CEP83: variants seen among roughly 807,000 people sequenced by gnomAD.
CEP83 encodes centrosomal protein of 83 kDa.
In CEP83, 70 loss-of-function variants were observed where a neutral mutation model predicts 101.9. The ratio of observed to expected loss-of-function variants is 0.69; its 90% CI spans 0.57 to 0.84. The LOEUF (loss-of-function observed/expected upper bound fraction) is 0.84, where lower values mean the gene tolerates loss of function less well. Ranked by LOEUF, CEP83 falls within the 40% of genes least tolerant of loss-of-function variation. The probability of loss-of-function intolerance (pLI) is 0.00; values close to 1 mark genes in which losing one functional copy is unlikely to be tolerated. For missense variants in CEP83, 715 were observed against 787.2 expected (o/e 0.91, Z 1.10); for synonymous variants, 264 against 267.9 (o/e 0.99, Z 0.14).
intron 6 of CEP83, among the ~76,000 whole-genome samples, chr12:94,384,389 A>G (rs1467490614): frequency 1.3e-5 from 2 of 152,102 alleles, no homozygotes; most frequent in Non-Finnish European, 2.9e-5. Context: ...TTTAAACCTG[A>G]CTATGGTATC....
chr12:94,309,624 C>A (rs1376756170), intron 16 of CEP83, among the ~76,000 whole-genome samples: 2 of 152,110 alleles, frequency 1.3e-5, no homozygotes, highest in African/African-American at 4.8e-5. Context: ...TATGAATAAG[C>A]TACAAACTCT....
At chr12:94,308,987 T>G (rs1969409892) in intron 16 of CEP83, 70 bp from the exon 17 acceptor site, 2 of 1,032,952 alleles carry the variant, frequency 1.9e-6, no homozygotes, top group Admixed American at 3.5e-5. Context: ...AACCTTGGAC[T>G]GCCTCTTTTA....
intron 1 of CEP83, among the ~76,000 whole-genome samples, chr12:94,445,272 T>TAGAC (rs2066714197): frequency 6.7e-6 from 1 of 150,210 alleles, no homozygotes; most frequent in Non-Finnish European, 1.5e-5. Context: ...GCCTTTTCCA[T>TAGAC]ACACACACAC....
rs547837821 is a variant in CEP83, at chr12:94,441,989, C to T, written c.-154-6662G>A. 7.3e-5 allele frequency among the ~76,000 whole-genome samples: 11 copies of T among 151,072 alleles called. No individual in the cohort carries two copies. In the South Asian group the frequency reaches 2.3e-3, roughly 32 times the overall value. ...AGCAATCTCACTATTGGGTATCTAC[C>T]CAGAGGAAAAGAAGTCATTATATGA... On this transcript the variant is annotated intron_variant, in intron 1 of 16. Transcript: ENST00000397809.
chr12:94,303,213 A>G (rs540046973), downstream of CEP83, among the ~76,000 whole-genome samples: 48 of 152,316 alleles, frequency 3.2e-4, no homozygotes, highest in African/African-American at 1.1e-3. Flanking sequence ...ACTAATGACC[A>G]TGTGCTTCCC....
intron 11 of CEP83, among the ~76,000 whole-genome samples, chr12:94,354,358 G>GT (rs2060345337): frequency 6.6e-6 from 1 of 151,896 alleles, no homozygotes; most frequent in African/African-American, 2.4e-5. Context: ...ATTTTTTTCT[G>GT]TATTTTTAGT....
chr12:94,398,983 ACT>A (rs1408565247), intron 6 of CEP83, among the ~76,000 whole-genome samples: 11 of 151,992 alleles, frequency 7.2e-5, no homozygotes, highest in Non-Finnish European at 1.6e-4. Context: ...CTGCTCTCGA[ACT>A]CTGTTTTCTG....
the CEP83 span, among the ~76,000 whole-genome samples, chr12:94,278,296 A>G: frequency 1.2e-4 from 18 of 152,372 alleles, no homozygotes; most frequent in Admixed American, 6.5e-4. Flanking sequence ...CTAAACTGCT[A>G]TGTTATGCTA....
chr12:94,436,065 C>CA (rs541227144), intron 1 of CEP83, among the ~76,000 whole-genome samples: 6,507 of 133,366 alleles, frequency 0.049, 136 homozygotes, highest in African/African-American at 0.061. Flanking sequence ...CCCTGTGGGA[C>CA]AAAAAAAAAA....
At chr12:94,349,649 C>G (rs2060111895) in intron 11 of CEP83, among the ~76,000 whole-genome samples, 1 of 152,116 alleles carries the variant, frequency 6.6e-6, no homozygotes, top group Non-Finnish European at 1.5e-5. Flanking sequence ...TATGAAAAAG[C>G]CACAGTGAGT....
chr12:94,323,997 T>A (rs2058861077), intron 14 of CEP83, among the ~76,000 whole-genome samples: 1 of 152,226 alleles, frequency 6.6e-6, no homozygotes, highest in Non-Finnish European at 1.5e-5. Context: ...CAATTTTGCA[T>A]GTTAAGCCAC....
At chr12:94,440,814 T>TA (rs1342055480) in intron 1 of CEP83, among the ~76,000 whole-genome samples, 2 of 152,156 alleles carry the variant, frequency 1.3e-5, no homozygotes, top group African/African-American at 2.4e-5. Flanking sequence ...AACAGCATGG[T>TA]ACTGGCATAA....
chr12:94,371,638 CAGGAAA>C (rs2061314552), intron 8 of CEP83, among the ~76,000 whole-genome samples: 1 of 151,816 alleles, frequency 6.6e-6, no homozygotes. Context: ...ATGGCAGAAA[CAGGAAA>C]ATAAAAGACA....
chr12:94,410,944 G>A (rs1023598212), intron 4 of CEP83, among the ~76,000 whole-genome samples: 7 of 152,076 alleles, frequency 4.6e-5, no homozygotes, highest in Admixed American at 3.9e-4. Flanking sequence ...CAGACTAGGT[G>A]ACTTGAAAGA....
intron 11 of CEP83, among the ~76,000 whole-genome samples, chr12:94,339,982 C>T (rs2059610079): frequency 6.6e-6 from 1 of 152,056 alleles, no homozygotes; most frequent in Non-Finnish European, 1.5e-5. Flanking sequence ...GTCCAATGGG[C>T]CAATATAATT....
chr12:94,357,043 G>A (rs956341538), intron 11 of CEP83, among the ~76,000 whole-genome samples: 2 of 152,076 alleles, frequency 1.3e-5, no homozygotes, highest in African/African-American at 2.4e-5. Context: ...AGGGACCAAG[G>A]GAACCATATG....
At chr12:94,424,018 T>C in intron 2 of CEP83, 1 of 1,613,036 alleles carries the variant, frequency 6.2e-7, no homozygotes, top group Non-Finnish European at 8.5e-7. Context: ...GAACTGAACC[T>C]GAAGGCTGCA....
At position 94,332,587 on chromosome 12, in the gene CEP83, TAGA is replaced by T. The variant is rs1315942423; in HGVS notation, c.1578-761_1578-759del. On this transcript the variant is annotated intron_variant, in intron 13 of 16. Coordinates refer to ENST00000397809, the MANE Select transcript of CEP83 (RefSeq NM_016122.3). ...TTAAATTTGCTAGCTATACTGTCATTAGAATTATTAAGCTCATTTCAATCAAAC... is the reference window on the plus strand; with the variant it reads ...TTAAATTTGCTAGCTATACTGTCATTATTATTAAGCTCATTTCAATCAAAC... Among the ~76,000 whole-genome samples the T allele has an allele frequency of 1.1e-4, 17 of 152,306 alleles. No individual in the cohort carries two copies. In the South Asian group the frequency reaches 3.5e-3, roughly 32 times the overall value.
intron 2 of CEP83, chr12:94,424,770 T>G: frequency 6.2e-7 from 1 of 1,611,650 alleles, no homozygotes; most frequent in Non-Finnish European, 8.5e-7. Context: ...TGGTCAGTAG[T>G]GCCTGGTTGC....
Sources: gnomAD v4.1 joint callset for allele counts (sites outside exome capture counted in the v4.1 genomes callset) on GRCh38, gnomAD v4.1.1 for gene constraint, MANE v1.5 for transcripts, NCBI Gene and HGNC (gene_info 2026-07-23, HGNC 2026-07-21) for gene names.